GSG1L: variants seen among roughly 807,000 people sequenced by gnomAD.
The protein encoded by GSG1L is germ cell-specific gene 1-like protein.
In GSG1L, 24 loss-of-function variants were observed where a neutral mutation model predicts 42.1. The observed-to-expected ratio is 0.57, with a 90% CI of 0.41 to 0.80. GSG1L has a LOEUF of 0.80. Among genes scored for constraint, GSG1L ranks in the 30% least tolerant of loss-of-function variants. The pLI is 0.00. For missense variants in GSG1L, 445 were observed against 472.2 expected (o/e 0.94, Z 0.53); for synonymous variants, 215 against 203.5 (o/e 1.06, Z -0.48).
intron 1 of GSG1L, among the ~76,000 whole-genome samples, chr16:28,039,795 C>A (rs918372519): frequency 1.3e-5 from 2 of 152,106 alleles, no homozygotes; most frequent in African/African-American, 4.8e-5. Context: ...TGCACACATA[C>A]GCACACAGGC....
chr16:27,819,924 T>C (rs1567469422), intron 5 of GSG1L, among the ~76,000 whole-genome samples: 1 of 152,060 alleles, frequency 6.6e-6, no homozygotes, highest in Non-Finnish European at 1.5e-5. Flanking sequence ...GTAAGTCCTG[T>C]TGCAGCCACA....
intron 5 of GSG1L, 35 bp downstream of exon 5, chr16:27,828,754 C>T (rs761410803): frequency 2.5e-6 from 4 of 1,595,130 alleles, no homozygotes; most frequent in East Asian, 2.2e-5. Flanking sequence ...TTTAGAGTCC[C>T]CGTGGTGGCC....
intron 1 of GSG1L, among the ~76,000 whole-genome samples, chr16:27,979,744 A>AGGAAG (rs796916797): frequency 1.0e-5 from 1 of 98,894 alleles, no homozygotes; most frequent in Non-Finnish European, 2.1e-5. Context: ...AAAGAAAGAA[A>AGGAAG]GAAAGGAAAG....
intron 5 of GSG1L, chr16:27,823,712 A>G: frequency 1.6e-6 from 1 of 609,590 alleles, no homozygotes; most frequent in Non-Finnish European, 3.0e-6. Flanking sequence ...TCCTGCGATG[A>G]ACTCCTCAGC....
chr16:27,871,642 A>G (rs142120620), intron 3 of GSG1L, among the ~76,000 whole-genome samples: 1 of 152,290 alleles, frequency 6.6e-6, no homozygotes, highest in African/African-American at 2.4e-5. Flanking sequence ...TCCTGTCTCA[A>G]AAAGAAAACA....
chr16:27,842,079 CG>C (rs1567480885), intron 4 of GSG1L, among the ~76,000 whole-genome samples: 18 of 149,886 alleles, frequency 1.2e-4, no homozygotes, highest in Admixed American at 3.3e-4. Flanking sequence ...TCGCGCGTGC[CG>C]AATTTCACAT....
intron 5 of GSG1L, among the ~76,000 whole-genome samples, chr16:27,819,100 A>G (rs1308482499): frequency 3.9e-5 from 6 of 152,138 alleles, no homozygotes; most frequent in African/African-American, 1.4e-4. Context: ...ATACAAAAAA[A>G]TTAGCCAGGC....
At chr16:27,822,610 G>A (rs1425223672) in intron 5 of GSG1L, among the ~76,000 whole-genome samples, 1 of 152,008 alleles carries the variant, frequency 6.6e-6, no homozygotes, top group African/African-American at 2.4e-5. Context: ...GTAGAGACAG[G>A]GTCTTGCTAT....
At position 27,884,888 on chromosome 16, in the gene GSG1L, G is replaced by C. The variant is rs906729126; in HGVS notation, c.398-250C>G. Among the ~76,000 whole-genome samples the C allele has an allele frequency of 2.8e-4, 42 of 152,116 alleles. No individual in the cohort carries two copies. Among genetic ancestry groups the C allele is most frequent in the African/African-American group, 9.9e-4 (41 of 41,424 alleles). ...GGGAAGAACTTTTATCCTGTGGCTG[G>C]ACCAAGGGCTCCCTTTCTTTCTCAT... On this transcript the variant is annotated intron_variant, in intron 2 of 6. Transcript: ENST00000447459. The surrounding 1 kb of genome is among the most constrained non-coding windows in gnomAD (Gnocchi z 4.4).
intron 1 of GSG1L, among the ~76,000 whole-genome samples, chr16:28,051,431 A>G (rs1257611771): frequency 6.6e-6 from 1 of 152,158 alleles, no homozygotes; most frequent in African/African-American, 2.4e-5. Context: ...GTGATTTGCA[A>G]AAGCGTGGGT....
At chr16:27,814,688 GAAAAA>G (rs750992732) in intron 5 of GSG1L, among the ~76,000 whole-genome samples, 2 of 94,322 alleles carry the variant, frequency 2.1e-5, no homozygotes, top group African/African-American at 3.9e-5. Context: ...CCGTCTCAAG[GAAAAA>G]AAAAAAAAAA....
intron 2 of GSG1L, among the ~76,000 whole-genome samples, chr16:27,959,560 G>C (rs2085045409): frequency 6.6e-6 from 1 of 151,132 alleles, no homozygotes; most frequent in Non-Finnish European, 1.5e-5. Context: ...AGGGGAAAGA[G>C]AGAAAGGGCA....
chr16:27,961,217 C>T (rs915946920), intron 2 of GSG1L, among the ~76,000 whole-genome samples: 1 of 152,232 alleles, frequency 6.6e-6, no homozygotes, highest in Non-Finnish European at 1.5e-5. Context: ...GGCATGCATG[C>T]GTGCACACAC....
In GSG1L at chr16:28,063,486, C is replaced by G. The variant is rs2086370402; in HGVS notation, c.-62G>C. ...GGAGCTCCGCGCGCGAAGTTGGCAG[C>G]TGGCGCCCCGCGTCAGCGGCCGCTG... On this transcript the variant is annotated 5_prime_UTR_variant, in exon 1 of 7. Transcript: ENST00000447459. The surrounding 1 kb of genome is among the most constrained non-coding windows in gnomAD (Gnocchi z 5.8). The G allele has an allele frequency of 2.8e-6, 3 of 1,062,292 alleles. No individual in the cohort carries two copies. In the East Asian group the frequency reaches 1.4e-4, roughly 50 times the overall value. The allele number at this position is 1,062,292 out of a possible 1,614,324, so 65.8% of individuals were successfully genotyped here. A position where few individuals can be genotyped will look rare whatever the true frequency, so the allele number is the denominator to read the frequency against.
intron 6 of GSG1L, among the ~76,000 whole-genome samples, chr16:27,800,533 C>T (rs1313104602): frequency 6.6e-6 from 1 of 152,224 alleles, no homozygotes; most frequent in Non-Finnish European, 1.5e-5. Context: ...GCAACATCGC[C>T]TCCATCAAAT....
chr16:27,947,418 A>AAGAT (rs1650656975), intron 2 of GSG1L, among the ~76,000 whole-genome samples: 1 of 148,904 alleles, frequency 6.7e-6, no homozygotes, highest in African/African-American at 2.5e-5. Context: ...GAAAGAAAGA[A>AAGAT]AGAAAGAAAG....
intron 2 of GSG1L, among the ~76,000 whole-genome samples, chr16:27,942,140 ACTT>A (rs1470556127): frequency 7.9e-4 from 116 of 146,554 alleles, no homozygotes; most frequent in Middle Eastern, 7.1e-3. Context: ...AAAAATTAAA[ACTT>A]CTTCTTTTTT....
chr16:27,831,766 T>C (rs1269409468), intron 4 of GSG1L, among the ~76,000 whole-genome samples: 2 of 152,222 alleles, frequency 1.3e-5, no homozygotes, highest in Admixed American at 6.5e-5. Context: ...CGCCTTTCCA[T>C]GTACTTTACA....
rs929089911 is a variant in GSG1L, at chr16:28,062,835, G to A, written c.349+241C>T. On this transcript the variant is annotated intron_variant, in intron 1 of 6. Coordinates refer to ENST00000447459, the MANE Select transcript of GSG1L (RefSeq NM_001109763.2). ...CCAAAGCCGCGGGGCGTCCGCAGCG[G>A]GTAGGAGCTCTGCCTTGCACCTCTC... Among the ~76,000 whole-genome samples the A allele has an allele frequency of 3.3e-5, 5 of 152,278 alleles. No homozygotes were observed. The South Asian group carries it at 6.2e-4, about 19-fold the overall frequency.
Sources: allele counts gnomAD v4.1 joint callset (sites outside exome capture counted in the v4.1 genomes callset), GRCh38; gene constraint gnomAD v4.1.1; non-coding constraint Gnocchi (gnomAD v3.1); transcripts MANE v1.5; gene names NCBI Gene and HGNC (gene_info 2026-07-23, HGNC 2026-07-21).